The following TMEM121B variants were observed in gnomAD, a reference collection of about 807,000 sequenced individuals.
TMEM121B encodes the protein cat eye syndrome chromosome region, candidate 6.
In TMEM121B, 14 loss-of-function variants were observed where a neutral mutation model predicts 25.1. The observed-to-expected ratio is 0.56, with a 90% CI of 0.37 to 0.87. The LOEUF is 0.87. Among genes scored for constraint, TMEM121B ranks in the 40% least tolerant of loss-of-function variants. The probability of loss-of-function intolerance (pLI) is 0.00; values close to 1 mark genes in which losing one functional copy is unlikely to be tolerated. For missense variants in TMEM121B, 850 were observed against 854.6 expected, an observed-to-expected ratio of 0.99 and a Z score of 0.07; for synonymous variants, 458 against 420.9, an observed-to-expected ratio of 1.09 and a Z score of -1.08.
chr22:17,119,398 TGA>T lies in TMEM121B; in HGVS notation c.1728_1729del (p.Gln577GlufsTer27), dbSNP rs2061484137. 1.3e-6 allele frequency: 2 copies of T among 1,598,058 alleles called. No homozygotes were observed. Among genetic ancestry groups the T allele is most frequent in the South Asian group, 1.1e-5 (1 of 88,262 alleles). ...GACCCGTGCCCTTCACCCTCAATTC[TGA>T]GAGGCCACAGCCAGGGTGTTGACAT... On this transcript the variant is annotated frameshift_variant, in exon 1 of 1. Transcript: ENST00000331437. LOFTEE classifies it high-confidence loss of function.
rs1378551756 is a variant in TMEM121B, at chr22:17,116,716, C to T, written c.*2675G>A. On this transcript the variant is annotated 3_prime_UTR_variant, in exon 1 of 1. Transcript: ENST00000331437. ...CCTTCACTAGGGATGCCCTAGAAAG[C>T]AAGGGCAAAGGAAGCTTTAGGGGTC... 1 of 152,266 alleles carries T rather than the reference C, an allele frequency of 6.6e-6. No individual in the cohort carries two copies. Among genetic ancestry groups the T allele is most frequent in the South Asian group, 2.1e-4 (1 of 4,834 alleles). 9.4% of individuals were successfully genotyped at this position (152,266 alleles called of 1,614,324 possible).
chr22:17,119,471 G>A lies in TMEM121B; in HGVS notation c.1657C>T (p.Gln553Ter). Residue 553 changes from glutamine (Q) to a stop codon, truncating the protein, a stop_gained, in exon 1 of 1, where the codon CAG becomes TAG. Coordinates refer to ENST00000331437, the MANE Select transcript of TMEM121B (RefSeq NM_031890.4). LOFTEE classifies it high-confidence loss of function. The part of the protein sequence containing the change: ...PPPPPPQGGS[Q>*]LGHCISENEG... Reference sequence around the variant, plus strand: ...TTCTCCGAGATGCAGTGGCCCAGCTGGGAGCCTCCCTGAGGTGGTGGCGGA... The same window carrying A: ...TTCTCCGAGATGCAGTGGCCCAGCTAGGAGCCTCCCTGAGGTGGTGGCGGA... The A allele has an allele frequency of 6.2e-7, 1 of 1,606,502 alleles. No homozygotes were observed. The highest frequency in any genetic ancestry group is 1.1e-5 in the South Asian group (1 of 89,526).
Position 17,120,433 on chromosome 22 carries a change from G to T in TMEM121B, c.695C>A (p.Ala232Asp). The T allele has an allele frequency of 6.3e-7, 1 of 1,576,490 alleles. No homozygotes were observed. Reference protein sequence around the residue: ...VTDLYWCSWIATDLVVVVGWA... With the variant: ...VTDLYWCSWIDTDLVVVVGWA... ...GCCCACCACCACCACCAGGTCAGTG[G>T]CGATCCAGGAGCACCAGTACAGGTC... is the stretch of plus-strand genomic sequence containing the variant. Residue 232 changes from alanine to aspartate, a missense_variant, in exon 1 of 1, where the codon GCC (alanine) becomes GAC (aspartate). Transcript: ENST00000331437.
Position 17,120,527 on chromosome 22 carries a change from G to C in TMEM121B, c.601C>G (p.Gln201Glu). Residue 201 changes from glutamine to glutamate, a missense_variant, in exon 1 of 1, where the codon CAG (glutamine) becomes GAG (glutamate). Physicochemically the swap from Gln to Glu is conservative, Grantham distance 29. Coordinates refer to ENST00000331437, the MANE Select transcript of TMEM121B (RefSeq NM_031890.4). ...APSPRCRWGY[Q>E]ALSVVLLLAQ... is the part of the protein sequence containing the mutation. The stretch of plus-strand genomic sequence containing the variant: ...AGCAGCAGCACCACGGACAGCGCCT[G>C]GTAGCCCCAGCGGCACCTGGGACTG... 2.6e-6 allele frequency: 4 copies of C among 1,561,428 alleles called. No homozygotes were observed. The highest frequency in any genetic ancestry group is 3.4e-6 in the Non-Finnish European group (4 of 1,159,862).
Position 17,118,954 on chromosome 22 carries a change from G to T in TMEM121B, c.*437C>A, listed in dbSNP as rs738033. The T allele has an allele frequency of 0.23, 41,907 of 181,408 alleles. 5,127 individuals carry two copies. The highest frequency in any genetic ancestry group is 0.31 in the Middle Eastern group (130 of 422). The allele number at this position is 181,408 out of a possible 1,614,324, so 11.2% of individuals were successfully genotyped here. A position where few individuals can be genotyped will look rare whatever the true frequency, so the allele number is the denominator to read the frequency against. On this transcript the variant is annotated 3_prime_UTR_variant, in exon 1 of 1. Coordinates refer to ENST00000331437, the MANE Select transcript of TMEM121B (RefSeq NM_031890.4). ...TATCTATCACCTGGAAGAAATCCAA[G>T]AGACACATCAGTGGAAAGTGGGTTC... is the stretch of plus-strand genomic sequence containing the variant.
Position 17,120,464 on chromosome 22 carries a change from CG to C in TMEM121B, c.663del (p.Val222SerfsTer110). 1 of 1,585,850 alleles carries C rather than the reference CG, an allele frequency of 6.3e-7. No individual in the cohort carries two copies. The highest frequency in any genetic ancestry group is 1.1e-5 in the South Asian group (1 of 88,934). Reference protein sequence around the residue: ...QGGLLDLYLIAVTDLYWCSWI... With the variant: ...QGGLLDLYLIXVTDLYWCSWI... ...CAGGAGCACCAGTACAGGTCGGTGACGGCGATGAGGTACAGGTCCAGCAGGC... is the reference window on the plus strand; with the variant it reads ...CAGGAGCACCAGTACAGGTCGGTGACGCGATGAGGTACAGGTCCAGCAGGC... On this transcript the variant is annotated frameshift_variant, in exon 1 of 1. Coordinates refer to ENST00000331437, the MANE Select transcript of TMEM121B (RefSeq NM_031890.4). LOFTEE classifies it high-confidence loss of function.
rs2061499407 is a variant in TMEM121B, at chr22:17,121,309, GGGCGGCAGGGAGAGGGGGCA to G, written c.-202_-183del. The G allele has an allele frequency of 4.0e-6, 2 of 505,260 alleles. No individual in the cohort carries two copies. Among genetic ancestry groups the G allele is most frequent in the Non-Finnish European group, 6.0e-6 (2 of 330,796 alleles). 31.3% of individuals were successfully genotyped at this position (505,260 alleles called of 1,614,324 possible). On this transcript the variant is annotated 5_prime_UTR_variant, in exon 1 of 1. Transcript: ENST00000331437. ...GCCACTGGACTGGGCGAGCCGGGCCGGGCGGCAGGGAGAGGGGGCAGGCGGTGAACCGAGCGGACCGCGGT... is the reference window on the plus strand; with the variant it reads ...GCCACTGGACTGGGCGAGCCGGGCCGGGCGGTGAACCGAGCGGACCGCGGT...
chr22:17,121,293 C>A lies in TMEM121B; in HGVS notation c.-166G>T, dbSNP rs2061499273. 7.9e-6 allele frequency: 4 copies of A among 505,928 alleles called. No individual in the cohort carries two copies. In the African/African-American group the frequency reaches 8.4e-5, roughly 11 times the overall value. 31.3% of individuals were successfully genotyped at this position (505,928 alleles called of 1,614,324 possible). A position where few individuals can be genotyped will look rare whatever the true frequency, so the allele number is the denominator to read the frequency against. ...CGAGATCCGGACTGGAGCCACTGGA[C>A]TGGGCGAGCCGGGCCGGGCGGCAGG... On this transcript the variant is annotated 5_prime_UTR_variant, in exon 1 of 1. Transcript: ENST00000331437.
In TMEM121B at chr22:17,119,813, G is replaced by A; in HGVS notation, c.1315C>T (p.Pro439Ser). 6.3e-7 allele frequency: 1 copy of A among 1,588,344 alleles called. No homozygotes were observed. Among genetic ancestry groups the A allele is most frequent in the Non-Finnish European group, 8.5e-7 (1 of 1,175,342 alleles). ...TTGAGCTCGTAGAGCCAGAGCACCGGCGAGGCGAGGGTGAGGAAGTAGACG... is the reference window on the plus strand; with the variant it reads ...TTGAGCTCGTAGAGCCAGAGCACCGACGAGGCGAGGGTGAGGAAGTAGACG... ...IAVYFLTLAS[P>S]VLWLYELNAA... Residue 439 changes from proline (P) to serine (S), a missense_variant, in exon 1 of 1, where the codon CCG (proline) becomes TCG (serine). By Grantham distance (74) the Pro-to-Ser change is moderately conservative. Coordinates refer to ENST00000331437, the MANE Select transcript of TMEM121B (RefSeq NM_031890.4).
In TMEM121B at chr22:17,121,033, A is replaced by G; in HGVS notation, c.95T>C (p.Leu32Pro). The change falls in exon 1 of 1, where the codon CTC becomes CCC. Residue 32 changes from leucine (L) to proline (P), a missense_variant. Leu to Pro is a moderately conservative substitution (Grantham distance 98). Coordinates refer to ENST00000331437, the MANE Select transcript of TMEM121B (RefSeq NM_031890.4). ...CCGGCCGCGGAAGGAGCCCCCGCGG[A>G]GGAAGAGGGGCTGCAGCCGGGCGGC... ...PAAARLQPLF[L>P]RGGSFRGRRG... The G allele has an allele frequency of 6.8e-7, 1 of 1,467,212 alleles. No individual in the cohort carries two copies. Among genetic ancestry groups the G allele is most frequent in the Non-Finnish European group, 9.0e-7 (1 of 1,111,520 alleles). The allele number at this position is 1,467,212 out of a possible 1,614,324, so 90.9% of individuals were successfully genotyped here. A position where few individuals can be genotyped will look rare whatever the true frequency, so the allele number is the denominator to read the frequency against.
chr22:17,121,085 A>G lies in TMEM121B; in HGVS notation c.43T>C (p.Ser15Pro). 1 of 1,442,548 alleles carries G rather than the reference A, an allele frequency of 6.9e-7. No homozygotes were observed. The allele number at this position is 1,442,548 out of a possible 1,614,324, so 89.4% of individuals were successfully genotyped here. ...LGHPRSVSSA[S>P]GSFPPPPAAA... ...GCCGGGGGCGGCGGGAAGGAACCGG[A>G]CGCGGAGGAGACCGAGCGAGGGTGG... is the stretch of plus-strand genomic sequence containing the variant. Residue 15 changes from serine (S) to proline (P), a missense_variant, in exon 1 of 1, where the codon TCC becomes CCC. By Grantham distance (74) the Ser-to-Pro change is moderately conservative. Coordinates refer to ENST00000331437, the MANE Select transcript of TMEM121B (RefSeq NM_031890.4).
rs1048642281 is a variant in TMEM121B at position 17,121,141 on chromosome 22, G to C, written c.-14C>G. ...CGCCGGGCGCATTGTCCTCCGAGGGGCTCTGGGGCCGCCCAGCTGTTCCCT... is the reference window on the plus strand; with the variant it reads ...CGCCGGGCGCATTGTCCTCCGAGGGCCTCTGGGGCCGCCCAGCTGTTCCCT... On this transcript the variant is annotated 5_prime_UTR_variant, in exon 1 of 1. Transcript: ENST00000331437. The C allele has an allele frequency of 7.7e-7, 1 of 1,304,384 alleles. No individual in the cohort carries two copies. The highest frequency in any genetic ancestry group is 3.9e-5 in the Admixed American group (1 of 25,834). 80.8% of individuals were successfully genotyped at this position (1,304,384 alleles called of 1,614,324 possible). A position where few individuals can be genotyped will look rare whatever the true frequency, so the allele number is the denominator to read the frequency against.
rs1326051711 is a variant in TMEM121B at position 17,118,463 on chromosome 22, GC to G, written c.*927del. 2 of 152,644 alleles carry G rather than the reference GC, an allele frequency of 1.3e-5. No individual in the cohort carries two copies. Among genetic ancestry groups the G allele is most frequent in the Non-Finnish European group, 2.9e-5 (2 of 68,052 alleles). 9.5% of individuals were successfully genotyped at this position (152,644 alleles called of 1,614,324 possible). A position where few individuals can be genotyped will look rare whatever the true frequency, so the allele number is the denominator to read the frequency against. On this transcript the variant is annotated 3_prime_UTR_variant, in exon 1 of 1. Coordinates refer to ENST00000331437, the MANE Select transcript of TMEM121B (RefSeq NM_031890.4). ...GGAACAGAGAGAGGCCAAGCCAATG[GC>G]TGATACTCCGCAGACCCTGTAATAA...
chr22:17,121,321 G>A lies in TMEM121B; in HGVS notation c.-194C>T. ...GGCGAGCCGGGCCGGGCGGCAGGGA[G>A]AGGGGGCAGGCGGTGAACCGAGCGG... On this transcript the variant is annotated 5_prime_UTR_variant, in exon 1 of 1. Coordinates refer to ENST00000331437, the MANE Select transcript of TMEM121B (RefSeq NM_031890.4). 2.3e-6 allele frequency: 1 copy of A among 432,576 alleles called. No individual in the cohort carries two copies. Among genetic ancestry groups the A allele is most frequent in the Admixed American group, 4.7e-5 (1 of 21,486 alleles). 26.8% of individuals were successfully genotyped at this position (432,576 alleles called of 1,614,324 possible). A position where few individuals can be genotyped will look rare whatever the true frequency, so the allele number is the denominator to read the frequency against.
chr22:17,120,498 C>A lies in TMEM121B; in HGVS notation c.630G>T (p.Ala210=), dbSNP rs765267904. Residue 210 remains alanine (A), a synonymous_variant, in exon 1 of 1, where the codon GCG becomes GCT. Transcript: ENST00000331437. ...GGTACAGGTCCAGCAGGCCGCCCTG[C>A]GCCAGCAGCAGCACCACGGACAGCG... The part of the protein sequence containing the change: ...YQALSVVLLL[A]QGGLLDLYLI... 40 of 1,581,304 alleles carry A rather than the reference C, an allele frequency of 2.5e-5. No homozygotes were observed. The highest frequency in any genetic ancestry group is 1.7e-4 in the Middle Eastern group (1 of 6,010).
Position 17,117,500 on chromosome 22 carries a change from G to A in TMEM121B, c.*1891C>T, listed in dbSNP as rs1444213203. On this transcript the variant is annotated 3_prime_UTR_variant, in exon 1 of 1. Transcript: ENST00000331437. Reference sequence around the variant, plus strand: ...AAGAGGGGGCTTCAAGTGGGAGGCGGGGGCTTGGCCTGGGTGCTGAGTTAA... The same window carrying A: ...AAGAGGGGGCTTCAAGTGGGAGGCGAGGGCTTGGCCTGGGTGCTGAGTTAA... 6.6e-6 allele frequency: 1 copy of A among 152,542 alleles called. No individual in the cohort carries two copies. The highest frequency in any genetic ancestry group is 1.9e-4 in the East Asian group (1 of 5,194). The allele number at this position is 152,542 out of a possible 1,614,324, so 9.4% of individuals were successfully genotyped here. A position where few individuals can be genotyped will look rare whatever the true frequency, so the allele number is the denominator to read the frequency against.
In TMEM121B at chr22:17,121,306, G is replaced by A. The variant is rs1450282222; in HGVS notation, c.-179C>T. On this transcript the variant is annotated 5_prime_UTR_variant, in exon 1 of 1. Transcript: ENST00000331437. ...GGAGCCACTGGACTGGGCGAGCCGG[G>A]CCGGGCGGCAGGGAGAGGGGGCAGG... 8.5e-5 allele frequency: 45 copies of A among 528,306 alleles called. No homozygotes were observed. The highest frequency in any genetic ancestry group is 2.3e-4 in the Admixed American group (5 of 21,840). The allele number at this position is 528,306 out of a possible 1,614,324, so 32.7% of individuals were successfully genotyped here.
rs2061480250 is a variant in TMEM121B, at chr22:17,118,564, G to T, written c.*827C>A. The T allele has an allele frequency of 6.6e-6, 1 of 152,516 alleles. No homozygotes were observed. The highest frequency in any genetic ancestry group is 1.5e-5 in the Non-Finnish European group (1 of 68,006). The allele number at this position is 152,516 out of a possible 1,614,324, so 9.4% of individuals were successfully genotyped here. ...TCTGAGTATTTTGTCTTCATTTTTT[G>T]CAAGCAGCATCAGTGCATGATGCAA... is the stretch of plus-strand genomic sequence containing the variant. On this transcript the variant is annotated 3_prime_UTR_variant, in exon 1 of 1. Coordinates refer to ENST00000331437, the MANE Select transcript of TMEM121B (RefSeq NM_031890.4).
chr22:17,119,351 G>A lies in TMEM121B; in HGVS notation c.*40C>T, dbSNP rs1427398829. ...AGAAGGTAGAAGACAAGGGGGTTGG[G>A]GACTCTCAACCCAAAAACAAGGACC... On this transcript the variant is annotated 3_prime_UTR_variant, in exon 1 of 1. Coordinates refer to ENST00000331437, the MANE Select transcript of TMEM121B (RefSeq NM_031890.4). 9.1e-6 allele frequency: 14 copies of A among 1,538,354 alleles called. No individual in the cohort carries two copies. The highest frequency in any genetic ancestry group is 1.2e-5 in the Non-Finnish European group (14 of 1,146,064).
Sources: allele counts gnomAD v4.1 joint callset, GRCh38; gene constraint gnomAD v4.1.1; transcripts MANE v1.5; gene names NCBI Gene and HGNC (gene_info 2026-07-23, HGNC 2026-07-21).